The following COX7B2 variants were observed in gnomAD, a reference collection of about 807,000 sequenced individuals.
COX7B2 encodes cytochrome c oxidase subunit 7B2, also known as cytochrome c oxidase subunit 7B2, mitochondrial.
For synonymous variants in COX7B2, 37 were observed against 32.1 expected, an observed-to-expected ratio of 1.15 and a Z score of -0.51; for missense variants, 109 against 95.9, an observed-to-expected ratio of 1.14 and a Z score of -0.57.
At chr4:46,741,647 C>A (rs970946421) in intron 2 of COX7B2, among the ~76,000 whole-genome samples, 2 of 151,938 alleles carry the variant, frequency 1.3e-5, no homozygotes, top group Admixed American at 1.3e-4. Context: ...GAACTAATCC[C>A]AATATTTTAA....
intron 1 of COX7B2, among the ~76,000 whole-genome samples, chr4:46,886,113 A>T (rs1719070309): frequency 6.6e-6 from 1 of 152,220 alleles, no homozygotes; most frequent in South Asian, 2.1e-4. Context: ...CCTTGAAGGC[A>T]GGCAAAGAAA....
In COX7B2 at chr4:46,807,898, C is replaced by G. The variant is rs1719087169; in HGVS notation, c.-50+37062G>C. ...CTGGTCCATGTATCTGTTTTCATGC[C>G]AGTACCATGCTGTTTTGATTGTTAT... On this transcript the variant is annotated intron_variant, in intron 2 of 2. Transcript: ENST00000355591. Among the ~76,000 whole-genome samples, 3 of 151,850 alleles carry G rather than the reference C, an allele frequency of 2.0e-5. No homozygotes were observed. The South Asian group carries it at 6.3e-4, about 32-fold the overall frequency.
chr4:46,863,677 G>A (rs1359718265), intron 1 of COX7B2, among the ~76,000 whole-genome samples: 1 of 152,056 alleles, frequency 6.6e-6, no homozygotes, highest in Non-Finnish European at 1.5e-5. Flanking sequence ...GGCCTAATAC[G>A]ATAATGCTCC....
chr4:46,880,872 T>C (rs7681635), intron 1 of COX7B2, among the ~76,000 whole-genome samples: 32,734 of 141,416 alleles, frequency 0.23, 4,221 homozygotes, highest in Non-Finnish European at 0.28. Context: ...AGGGATAGCA[T>C]TGGGAGATAT....
At chr4:46,839,277 A>G (rs974415194) in intron 2 of COX7B2, among the ~76,000 whole-genome samples, 7 of 151,894 alleles carry the variant, frequency 4.6e-5, no homozygotes, top group South Asian at 2.1e-4. Context: ...CTTGCCTTTC[A>G]ACCACAGAGC....
At chr4:46,788,460 T>C (rs192537439) in intron 2 of COX7B2, among the ~76,000 whole-genome samples, 1 of 152,236 alleles carries the variant, frequency 6.6e-6, no homozygotes, top group Non-Finnish European at 1.5e-5. Context: ...ATTTCTCAGT[T>C]AAAAAAATCT....
At chr4:46,781,937 C>A (rs759674248) in intron 2 of COX7B2, among the ~76,000 whole-genome samples, 1 of 152,202 alleles carries the variant, frequency 6.6e-6, no homozygotes, top group Non-Finnish European at 1.5e-5. Flanking sequence ...CTCAAGCACC[C>A]CCCATCCCGC....
intron 2 of COX7B2, among the ~76,000 whole-genome samples, chr4:46,763,642 T>C (rs1162723273): frequency 6.6e-6 from 1 of 152,104 alleles, no homozygotes; most frequent in Non-Finnish European, 1.5e-5. Flanking sequence ...CTTTATGAAC[T>C]TACAAATGAA....
At chr4:46,902,925 A>G (rs1340479863) in intron 1 of COX7B2, among the ~76,000 whole-genome samples, 1 of 152,138 alleles carries the variant, frequency 6.6e-6, no homozygotes, top group Admixed American at 6.5e-5. Flanking sequence ...TAGTCATTCT[A>G]TAACTAAGGC....
chr4:46,908,796 C>G (rs1314950846), intron 1 of COX7B2, among the ~76,000 whole-genome samples: 1 of 147,674 alleles, frequency 6.8e-6, no homozygotes, highest in African/African-American at 2.5e-5. Flanking sequence ...AATCCCAACA[C>G]TTTGGGAGGC....
chr4:46,762,604 A>G (rs1395997748), intron 2 of COX7B2, among the ~76,000 whole-genome samples: 1 of 149,304 alleles, frequency 6.7e-6, no homozygotes, highest in African/African-American at 2.5e-5. Context: ...CTAAACTGTG[A>G]GGTAGAGAGC....
At chr4:46,892,602 G>C (rs190456470) in intron 1 of COX7B2, among the ~76,000 whole-genome samples, 2 of 152,178 alleles carry the variant, frequency 1.3e-5, no homozygotes. Flanking sequence ...CCAAAACCTT[G>C]AGCTTCATCC....
intron 2 of COX7B2, among the ~76,000 whole-genome samples, chr4:46,753,236 T>C (rs1283670449): frequency 6.6e-6 from 1 of 152,196 alleles, no homozygotes; most frequent in Middle Eastern, 3.2e-3. Flanking sequence ...TGATGGTAGT[T>C]TGTATTTCTG....
rs78983764 is a variant in COX7B2, at chr4:46,807,434, G to C, written c.-50+37526C>G. On this transcript the variant is annotated intron_variant, in intron 2 of 2. Coordinates refer to ENST00000355591, the MANE Select transcript of COX7B2 (RefSeq NM_130902.3). ...TAAACGCTTATCAGATATATAGTTT[G>C]CAAGTATCTTTTTCCAATCCATAGG... 3.5e-3 allele frequency among the ~76,000 whole-genome samples: 539 copies of C among 151,926 alleles called. 2 individuals are homozygous for C. The highest frequency in any genetic ancestry group is 5.4e-3 in the Non-Finnish European group (368 of 67,784).
At chr4:46,828,932 T>TA (rs1177221978) in intron 2 of COX7B2, among the ~76,000 whole-genome samples, 3 of 152,074 alleles carry the variant, frequency 2.0e-5, no homozygotes, top group Admixed American at 1.3e-4. Flanking sequence ...GCATATAAAA[T>TA]AAAAAAATGT....
At chr4:46,786,931 AAAG>A (rs1485507990) in intron 2 of COX7B2, among the ~76,000 whole-genome samples, 1 of 152,154 alleles carries the variant, frequency 6.6e-6, no homozygotes, top group Non-Finnish European at 1.5e-5. Context: ...ACGTGGCATA[AAAG>A]AGAGAGTTCC....
chr4:46,809,174 C>A (rs1719159135), intron 2 of COX7B2, among the ~76,000 whole-genome samples: 1 of 151,688 alleles, frequency 6.6e-6, no homozygotes, highest in South Asian at 2.1e-4. Context: ...TGTTCTCATT[C>A]ATCTTTGGTT....
intron 2 of COX7B2, among the ~76,000 whole-genome samples, chr4:46,744,008 A>G (rs1268876504): frequency 6.6e-6 from 1 of 152,180 alleles, no homozygotes; most frequent in Non-Finnish European, 1.5e-5. Context: ...AAGAGCAATG[A>G]ACTCTAGCCT....
intron 1 of COX7B2, among the ~76,000 whole-genome samples, chr4:46,877,668 T>A (rs1189234880): frequency 2.0e-5 from 3 of 152,108 alleles, no homozygotes; most frequent in Non-Finnish European, 4.4e-5. Flanking sequence ...TCAAAACCAC[T>A]GTGATATACC....
Sources: gnomAD v4.1 joint callset for allele counts (sites outside exome capture counted in the v4.1 genomes callset) on GRCh38, gnomAD v4.1.1 for gene constraint, MANE v1.5 for transcripts, NCBI Gene and HGNC (gene_info 2026-07-23, HGNC 2026-07-21) for gene names.